ADAMTS16: variants seen among roughly 807,000 people sequenced by gnomAD.
ADAMTS16 encodes A disintegrin and metalloproteinase with thrombospondin motifs 16.
Under a neutral mutation model 145.8 loss-of-function variants are expected in ADAMTS16, and 94 were observed. The observed-to-expected ratio is 0.64, with a 90% CI of 0.55 to 0.77. The LOEUF (loss-of-function observed/expected upper bound fraction) is 0.77. ADAMTS16 is among the 30% of genes least tolerant of loss of function. The probability of loss-of-function intolerance (pLI) is 0.00; values close to 1 mark genes in which losing one functional copy is unlikely to be tolerated. For missense variants in ADAMTS16, 1,585 were observed against 1,591.5 expected (o/e 1.00, Z 0.07); for synonymous variants, 659 against 604.3 (o/e 1.09, Z -1.33).
chr5:5,239,047 T>C, intron 14 of ADAMTS16, 104 bp from the exon 15 acceptor site: 1 of 1,299,284 alleles, frequency 7.7e-7, no homozygotes, highest in Non-Finnish European at 1.0e-6. Context: ...GTTGGTGAAA[T>C]TTTCAACTCT....
chr5:5,313,585 G>A (rs904739810), intron 21 of ADAMTS16, among the ~76,000 whole-genome samples: 1 of 152,192 alleles, frequency 6.6e-6, no homozygotes, highest in Non-Finnish European at 1.5e-5. Flanking sequence ...GGGGGTGGGG[G>A]CTGGCTCATT....
chr5:5,222,591 G>A (rs1252623994), intron 10 of ADAMTS16, among the ~76,000 whole-genome samples, 198 bp from the exon 11 acceptor site: 1 of 152,132 alleles, frequency 6.6e-6, no homozygotes, highest in Admixed American at 6.5e-5. Context: ...AAGTATAAGA[G>A]ATGGAATTAA....
At chr5:5,271,564 A>G (rs1579363783) in intron 18 of ADAMTS16, among the ~76,000 whole-genome samples, 1 of 152,324 alleles carries the variant, frequency 6.6e-6, no homozygotes, top group South Asian at 2.1e-4. Flanking sequence ...AAATCACACA[A>G]ATATTTATTC....
At chr5:5,291,943 A>G (rs1336155140) in intron 18 of ADAMTS16, among the ~76,000 whole-genome samples, 1 of 152,242 alleles carries the variant, frequency 6.6e-6, no homozygotes, top group African/African-American at 2.4e-5. Flanking sequence ...TTCATTGTCA[A>G]CTGGTCAACA....
intron 3 of ADAMTS16, 122 bp downstream of exon 3, chr5:5,146,577 C>T (rs774151603): frequency 1.9e-5 from 21 of 1,091,604 alleles, no homozygotes; most frequent in Non-Finnish European, 2.3e-5. Context: ...GCAGATTAAG[C>T]AGGAGGAATA....
chr5:5,178,263 G>A (rs1735250138), intron 3 of ADAMTS16, among the ~76,000 whole-genome samples: 1 of 152,230 alleles, frequency 6.6e-6, no homozygotes, highest in Non-Finnish European at 1.5e-5. Context: ...CATGAGAAAG[G>A]CAGACCCTGT....
At chr5:5,263,008 T>A (rs1157595442) in intron 18 of ADAMTS16, among the ~76,000 whole-genome samples, 1 of 152,232 alleles carries the variant, frequency 6.6e-6, no homozygotes, top group African/African-American at 2.4e-5. Flanking sequence ...ATTCTTAGAA[T>A]GGCGTCCTGT....
intron 10 of ADAMTS16, among the ~76,000 whole-genome samples, chr5:5,222,194 T>C (rs1490162088): frequency 6.6e-6 from 1 of 152,190 alleles, no homozygotes; most frequent in Non-Finnish European, 1.5e-5. Flanking sequence ...AAATTCCTTC[T>C]TTACCCTATG....
intron 18 of ADAMTS16, among the ~76,000 whole-genome samples, chr5:5,296,594 C>T (rs1330721363): frequency 6.6e-6 from 1 of 151,692 alleles, no homozygotes; most frequent in Non-Finnish European, 1.5e-5. Context: ...GTCATCCAGG[C>T]CCCCAGGCTT....
chr5:5,240,013 G>T (rs779645377), intron 16 of ADAMTS16, 88 bp downstream of exon 16: 27 of 1,538,932 alleles, frequency 1.8e-5, no homozygotes, highest in Non-Finnish European at 2.4e-5. Context: ...ATAATTTTAA[G>T]AAGAATGTAA....
rs377296517 is a variant in ADAMTS16, at chr5:5,262,745, G to A, written c.2751G>A (p.Thr917=). The A allele has an allele frequency of 1.9e-5, 30 of 1,614,178 alleles. 1 individual carries two copies. The South Asian group carries it at 2.2e-4, about 12-fold the overall frequency. The change falls in exon 18 of 23, where the codon ACG becomes ACA. Residue 917 remains threonine, a synonymous_variant. Coordinates refer to ENST00000274181, the MANE Select transcript of ADAMTS16 (RefSeq NM_139056.4). ...GCAATCCCAAGACACGACCTGTCAC[G>A]GGGCTGGTGCCTTGCAAAGTATCTG... ...SFCNPKTRPV[T]GLVPCKVSAC...
At chr5:5,192,891 A>G (rs1255348785) in intron 8 of ADAMTS16, among the ~76,000 whole-genome samples, 1 of 152,198 alleles carries the variant, frequency 6.6e-6, no homozygotes, top group African/African-American at 2.4e-5. Flanking sequence ...GACTTCCTGC[A>G]ATCACCCTGA....
intron 21 of ADAMTS16, among the ~76,000 whole-genome samples, chr5:5,307,322 G>A (rs558283401): frequency 1.1e-4 from 16 of 152,322 alleles, no homozygotes; most frequent in South Asian, 4.1e-4. Flanking sequence ...CACTGCAAGC[G>A]TGTGCACTGG....
chr5:5,241,141 A>G (rs569374553), intron 16 of ADAMTS16, among the ~76,000 whole-genome samples: 1 of 147,238 alleles, frequency 6.8e-6, no homozygotes, highest in Admixed American at 6.7e-5. Flanking sequence ...GCATGGGGCC[A>G]GGACACTCAG....
At chr5:5,223,062 T>C (rs1736651208) in intron 11 of ADAMTS16, 178 bp downstream of exon 11, 1 of 559,910 alleles carries the variant, frequency 1.8e-6, no homozygotes, top group South Asian at 2.8e-5. Flanking sequence ...AGGAATCCTT[T>C]TCTCACTTTT....
intron 11 of ADAMTS16, among the ~76,000 whole-genome samples, chr5:5,224,906 C>A (rs1736715463): frequency 6.6e-6 from 1 of 152,102 alleles, no homozygotes; most frequent in Non-Finnish European, 1.5e-5. Context: ...TGCTTTTTCA[C>A]AATAACCTGT....
chr5:5,156,774 C>T (rs1296545278), intron 3 of ADAMTS16, among the ~76,000 whole-genome samples: 1 of 152,172 alleles, frequency 6.6e-6, no homozygotes, highest in Non-Finnish European at 1.5e-5. Context: ...CTAAGTTTGG[C>T]TACTCTAAAT....
intron 21 of ADAMTS16, among the ~76,000 whole-genome samples, chr5:5,307,730 C>T (rs1022156645): frequency 2.0e-5 from 3 of 152,184 alleles, no homozygotes; most frequent in African/African-American, 7.2e-5. Context: ...CCCTATTTCA[C>T]AGATGAGGCA....
intron 18 of ADAMTS16, among the ~76,000 whole-genome samples, chr5:5,284,136 A>G (rs1739030014): frequency 6.6e-6 from 1 of 152,158 alleles, no homozygotes; most frequent in Non-Finnish European, 1.5e-5. Context: ...TATTTCTAAT[A>G]CTACTATAGT....
Sources: gnomAD v4.1 joint callset for allele counts (sites outside exome capture counted in the v4.1 genomes callset) on GRCh38, gnomAD v4.1.1 for gene constraint, MANE v1.5 for transcripts, NCBI Gene and HGNC (gene_info 2026-07-23, HGNC 2026-07-21) for gene names.